The following RGS7 variants were observed in gnomAD, a reference collection of about 807,000 sequenced individuals.
RGS7 encodes the protein regulator of G protein signaling 7.
In RGS7, 27 loss-of-function variants were observed where a neutral mutation model predicts 81.1. That is an observed-to-expected ratio of 0.33 (90% CI 0.25 to 0.46). The LOEUF (loss-of-function observed/expected upper bound fraction) is 0.46. Among genes scored for constraint, RGS7 ranks in the 20% least tolerant of loss-of-function variants. The pLI is 1.00. For synonymous variants in RGS7, 208 were observed against 207.7 expected (o/e 1.00, Z -0.01); for missense variants, 396 against 607.4 (o/e 0.65, Z 3.66).
At chr1:241,356,069 T>C (rs2083543724) in intron 1 of RGS7, among the ~76,000 whole-genome samples, 1 of 152,216 alleles carries the variant, frequency 6.6e-6, no homozygotes, top group South Asian at 2.1e-4. Flanking sequence ...CTGACTTCAT[T>C]TTCTGGATAC....
chr1:241,029,256 T>C (rs1207705396), intron 3 of RGS7, among the ~76,000 whole-genome samples: 1 of 152,122 alleles, frequency 6.6e-6, no homozygotes, highest in African/African-American at 2.4e-5. Flanking sequence ...CAAAATACAT[T>C]ACACCCACTT....
chr1:240,967,565 A>C (rs1682510048), intron 4 of RGS7, among the ~76,000 whole-genome samples: 1 of 96,672 alleles, frequency 1.0e-5, no homozygotes, highest in Non-Finnish European at 2.1e-5. Flanking sequence ...TTGTGCCAAG[A>C]AGTGGGGGGG....
intron 6 of RGS7, among the ~76,000 whole-genome samples, chr1:240,883,040 T>C (rs983884658): frequency 6.6e-6 from 1 of 152,164 alleles, no homozygotes; most frequent in African/African-American, 2.4e-5. Context: ...TGGTTTCCAG[T>C]TTCATCCATG....
At chr1:241,264,027 T>C (rs1313527328) in intron 2 of RGS7, among the ~76,000 whole-genome samples, 2 of 152,340 alleles carry the variant, frequency 1.3e-5, no homozygotes, top group Non-Finnish European at 2.9e-5. Context: ...CCAGAAGTTG[T>C]TCATGTTGCT....
At chr1:241,034,622 C>T (rs908649467) in intron 3 of RGS7, among the ~76,000 whole-genome samples, 2 of 152,338 alleles carry the variant, frequency 1.3e-5, no homozygotes, top group Middle Eastern at 6.8e-3. Flanking sequence ...AATAACATTA[C>T]ACTTCTTGCT....
At chr1:241,071,344 C>T (rs544145864) in intron 3 of RGS7, among the ~76,000 whole-genome samples, 6 of 152,112 alleles carry the variant, frequency 3.9e-5, no homozygotes, top group African/African-American at 1.2e-4. Flanking sequence ...TAGGAACTGA[C>T]CCGAATAGAA....
intron 4 of RGS7, among the ~76,000 whole-genome samples, chr1:240,938,005 G>A (rs549612797): frequency 3.7e-4 from 56 of 152,304 alleles, no homozygotes; most frequent in African/African-American, 1.1e-3. Context: ...TTATTACTGC[G>A]TTTGTGCAGA....
intron 2 of RGS7, among the ~76,000 whole-genome samples, chr1:241,121,378 G>T (rs1354614130): frequency 6.6e-6 from 1 of 152,208 alleles, no homozygotes; most frequent in Non-Finnish European, 1.5e-5. Flanking sequence ...AGACCTTGAG[G>T]TATGTATGCA....
intron 2 of RGS7, among the ~76,000 whole-genome samples, chr1:241,140,378 C>T (rs2067843165): frequency 6.6e-6 from 1 of 152,156 alleles, no homozygotes; most frequent in Non-Finnish European, 1.5e-5. Context: ...TCTCCACCCA[C>T]TGATGGGTCC....
At chr1:240,982,740 A>G (rs1040926466) in intron 4 of RGS7, among the ~76,000 whole-genome samples, 2 of 152,228 alleles carry the variant, frequency 1.3e-5, no homozygotes, top group Admixed American at 1.3e-4. Context: ...TGTGTCTTAT[A>G]GAAGGAAAGT....
intron 6 of RGS7, among the ~76,000 whole-genome samples, chr1:240,898,916 C>A (rs1669528215): frequency 6.6e-6 from 1 of 152,164 alleles, no homozygotes; most frequent in Admixed American, 6.5e-5. Context: ...GTGTGGGAGT[C>A]TAAGTCTCTT....
intron 9 of RGS7, among the ~76,000 whole-genome samples, chr1:240,838,931 T>C (rs1300721096): frequency 1.3e-5 from 2 of 149,978 alleles, no homozygotes; most frequent in Non-Finnish European, 2.9e-5. Flanking sequence ...TACAGGCTAA[T>C]TTTTTTTGTA....
At chr1:241,187,459 GA>G (rs1394554388) in intron 2 of RGS7, among the ~76,000 whole-genome samples, 1 of 152,014 alleles carries the variant, frequency 6.6e-6, no homozygotes, top group Admixed American at 6.6e-5. Context: ...ACTTTTGGGA[GA>G]AAAAATGATT....
chr1:241,070,324 G>GAAAAAAAAA (rs375392335), intron 3 of RGS7, among the ~76,000 whole-genome samples: 1 of 138,666 alleles, frequency 7.2e-6, no homozygotes, highest in Non-Finnish European at 1.5e-5. Context: ...AGGAGAAATG[G>GAAAAAAAAA]AAAAAAAAAA....
At chr1:240,817,417 T>C (rs915387302) in intron 10 of RGS7, among the ~76,000 whole-genome samples, 1 of 152,158 alleles carries the variant, frequency 6.6e-6, no homozygotes, top group African/African-American at 2.4e-5. Context: ...TGCCTAATGA[T>C]GCCAATTTTC....
intron 18 of RGS7, among the ~76,000 whole-genome samples, chr1:240,795,221 A>ACCACCAT (rs369295721): frequency 1.3e-5 from 2 of 150,940 alleles, no homozygotes; most frequent in African/African-American, 2.4e-5. Context: ...ACCACCACCA[A>ACCACCAT]CAAAAATCAA....
chr1:241,083,402 C>T (rs1430695261), intron 3 of RGS7, among the ~76,000 whole-genome samples: 2 of 152,026 alleles, frequency 1.3e-5, no homozygotes, highest in African/African-American at 2.4e-5. Flanking sequence ...GAAAGAGTAA[C>T]AACCATTAGG....
At chr1:241,081,470 T>G (rs926998492) in intron 3 of RGS7, among the ~76,000 whole-genome samples, 10 of 152,260 alleles carry the variant, frequency 6.6e-5, no homozygotes, top group African/African-American at 1.9e-4. Context: ...TCCCAAACAC[T>G]GCCATGGAGA....
At chr1:241,014,759 A>T (rs1300875907) in intron 3 of RGS7, among the ~76,000 whole-genome samples, 1 of 152,274 alleles carries the variant, frequency 6.6e-6, no homozygotes, top group African/African-American at 2.4e-5. Flanking sequence ...AAAAGTTTCC[A>T]TATAAGTGGT....
Sources: gnomAD v4.1 joint callset for allele counts (sites outside exome capture counted in the v4.1 genomes callset) on GRCh38, gnomAD v4.1.1 for gene constraint, MANE v1.5 for transcripts, NCBI Gene and HGNC (gene_info 2026-07-23, HGNC 2026-07-21) for gene names.